CLNK: variants seen among roughly 807,000 people sequenced by gnomAD.
The protein encoded by CLNK is cytokine-dependent hematopoietic cell linker.
A neutral mutation model predicts 68.6 loss-of-function variants in CLNK; 74 were observed. The ratio of observed to expected loss-of-function variants is 1.08; its 90% CI spans 0.89 to 1.31. The LOEUF is 1.31. Among genes scored for constraint, CLNK ranks in the 50% most tolerant of loss-of-function variants. CLNK has a pLI of 0.00. For synonymous variants in CLNK, 198 were observed against 172.2 expected (o/e 1.15, Z -1.17); for missense variants, 553 against 515.3 (o/e 1.07, Z -0.71).
chr4:10,590,442 C>T (rs1461189251), intron 3 of CLNK, among the ~76,000 whole-genome samples: 1 of 152,162 alleles, frequency 6.6e-6, no homozygotes, highest in Admixed American at 6.5e-5. Context: ...GGTCAAGCTC[C>T]TGGCATGGAG....
intron 5 of CLNK, among the ~76,000 whole-genome samples, chr4:10,567,327 A>G (rs1577134537): frequency 6.6e-6 from 1 of 152,328 alleles, no homozygotes. Flanking sequence ...CTAAGACAAT[A>G]CAATGGGTGG....
chr4:10,643,443 T>C (rs1469552183), intron 2 of CLNK, among the ~76,000 whole-genome samples: 4 of 152,240 alleles, frequency 2.6e-5, no homozygotes, highest in Non-Finnish European at 1.5e-5. Flanking sequence ...AAGAAAATAG[T>C]CTATCATGGT....
chr4:10,547,314 G>C (rs552404838), intron 8 of CLNK, among the ~76,000 whole-genome samples: 2 of 152,038 alleles, frequency 1.3e-5, no homozygotes, highest in African/African-American at 4.8e-5. Flanking sequence ...CCTCATTAAG[G>C]TATCACTGAC....
At chr4:10,536,090 G>T (rs568415753) in intron 11 of CLNK, among the ~76,000 whole-genome samples, 1 of 152,302 alleles carries the variant, frequency 6.6e-6, no homozygotes, top group East Asian at 1.9e-4. Context: ...GACAAATGGG[G>T]CCTGAAACAC....
intron 4 of CLNK, among the ~76,000 whole-genome samples, chr4:10,573,122 C>T (rs2108829084): frequency 6.6e-6 from 1 of 152,310 alleles, no homozygotes; most frequent in South Asian, 2.1e-4. Flanking sequence ...AGCCATGGCA[C>T]CTGGCCTTTT....
chr4:10,512,378 G>T (rs925487975), intron 16 of CLNK, among the ~76,000 whole-genome samples: 1 of 151,972 alleles, frequency 6.6e-6, no homozygotes, highest in Non-Finnish European at 1.5e-5. Flanking sequence ...TTACAGGCAT[G>T]TGCCACCACG....
chr4:10,526,196 A>G (rs149199877), intron 13 of CLNK, among the ~76,000 whole-genome samples: 36 of 152,304 alleles, frequency 2.4e-4, no homozygotes, highest in African/African-American at 8.7e-4. Context: ...ATTACATTGG[A>G]AGGTATTTAG....
chr4:10,605,422 G>A lies in CLNK; in HGVS notation c.12-7373C>T, dbSNP rs934022512. 8.5e-5 allele frequency among the ~76,000 whole-genome samples: 13 copies of A among 152,180 alleles called. No individual in the cohort carries two copies. In the Middle Eastern group the frequency reaches 0.014, roughly 159 times the overall value. ...TGCTCCTAGGCTACAAACCTAAAGA[G>A]CATGTTACTGTAATGAATACTGTAG... is the stretch of plus-strand genomic sequence containing the variant. On this transcript the variant is annotated intron_variant, in intron 2 of 18. Coordinates refer to ENST00000226951, the MANE Select transcript of CLNK (RefSeq NM_052964.4).
chr4:10,708,441 C>T, the CLNK span, among the ~76,000 whole-genome samples: 1 of 151,996 alleles, frequency 6.6e-6, no homozygotes, highest in East Asian at 1.9e-4. Flanking sequence ...AAGTAACTTG[C>T]CCAAGGTGAC....
intron 15 of CLNK, among the ~76,000 whole-genome samples, chr4:10,519,235 G>A (rs992280551): frequency 5.3e-5 from 8 of 152,076 alleles, no homozygotes; most frequent in Non-Finnish European, 1.0e-4. Flanking sequence ...ACAGCCCTGG[G>A]GTGCTTGACT....
chr4:10,621,853 A>C (rs1021887007), intron 2 of CLNK, among the ~76,000 whole-genome samples: 15 of 152,174 alleles, frequency 9.9e-5, no homozygotes, highest in Admixed American at 2.6e-4. Context: ...GTAAGAGATG[A>C]ACAATTCTAA....
intron 4 of CLNK, among the ~76,000 whole-genome samples, chr4:10,579,151 G>C (rs149710659): frequency 6.6e-6 from 1 of 152,188 alleles, no homozygotes; most frequent in Non-Finnish European, 1.5e-5. Flanking sequence ...GGGAAAGAGG[G>C]CGTCAAGCTG....
rs778123088 is a variant in CLNK at position 10,542,286 on chromosome 4, A to T, written c.446-6T>A. 71 of 1,530,996 alleles carry T rather than the reference A, an allele frequency of 4.6e-5. No individual in the cohort carries two copies. In the Middle Eastern group the frequency reaches 1.2e-3, roughly 25 times the overall value. The allele number at this position is 1,530,996 out of a possible 1,614,324, so 94.8% of individuals were successfully genotyped here. ...CTTTCTTACGGATGCATCTCCTAAA[A>T]CATAAGAGGGAATAGCAGTGAATTT... On this transcript the variant is annotated splice_region_variant and splice_polypyrimidine_tract_variant and intron_variant, in intron 8 of 18. Transcript: ENST00000226951.
intron 2 of CLNK, among the ~76,000 whole-genome samples, chr4:10,635,045 TG>T (rs1723029393): frequency 6.6e-6 from 1 of 152,196 alleles, no homozygotes; most frequent in Non-Finnish European, 1.5e-5. Flanking sequence ...AACAATCTTA[TG>T]AAGCATCTTC....
intron 4 of CLNK, among the ~76,000 whole-genome samples, chr4:10,574,940 A>G (rs1720501092): frequency 6.6e-6 from 1 of 152,158 alleles, no homozygotes; most frequent in South Asian, 2.1e-4. Context: ...TAGAGTTGTA[A>G]GCCCTTGAAA....
the CLNK span, among the ~76,000 whole-genome samples, chr4:10,703,313 A>G: frequency 2.6e-5 from 4 of 152,224 alleles, no homozygotes; most frequent in Non-Finnish European, 1.5e-5. Context: ...TAAGTGACTC[A>G]ATAACCATTT....
the CLNK span, among the ~76,000 whole-genome samples, chr4:10,708,813 T>C: frequency 6.6e-6 from 1 of 152,204 alleles, no homozygotes; most frequent in East Asian, 1.9e-4. Flanking sequence ...TTGAAGAGCC[T>C]TCATTCATAG....
intron 13 of CLNK, among the ~76,000 whole-genome samples, chr4:10,527,577 T>C (rs764515519): frequency 1.3e-5 from 2 of 152,210 alleles, no homozygotes; most frequent in Non-Finnish European, 2.9e-5. Flanking sequence ...CAGGTGAATA[T>C]GAAAGTACTA....
chr4:10,552,487 G>C (rs570849842), intron 8 of CLNK, among the ~76,000 whole-genome samples: 2 of 152,166 alleles, frequency 1.3e-5, no homozygotes, highest in African/African-American at 4.8e-5. Flanking sequence ...ATCTTTCCCA[G>C]TTTTTTGCAT....
Sources: allele counts gnomAD v4.1 joint callset (sites outside exome capture counted in the v4.1 genomes callset), GRCh38; gene constraint gnomAD v4.1.1; transcripts MANE v1.5; gene names NCBI Gene and HGNC (gene_info 2026-07-23, HGNC 2026-07-21).